GDPD4: variants seen among roughly 807,000 people sequenced by gnomAD.
The protein encoded by GDPD4 is glycerophosphodiester phosphodiesterase domain containing 4, also known as glycerophosphodiester phosphodiesterase 6.
A neutral mutation model predicts 67.8 loss-of-function variants in GDPD4; 60 were observed. The observed-to-expected ratio is 0.88, with a 90% confidence interval of 0.72 to 1.10. GDPD4 has a LOEUF of 1.10. Ranked by LOEUF, GDPD4 falls within the 50% of genes least tolerant of loss-of-function variation. The pLI, the probability that GDPD4 is intolerant of heterozygous loss-of-function variation, is 0.00. For missense variants in GDPD4, 623 were observed against 613.9 expected, an observed-to-expected ratio of 1.01 and a Z score of -0.16; for synonymous variants, 212 against 210.9, an observed-to-expected ratio of 1.00 and a Z score of -0.04.
intron 16 of GDPD4, among the ~76,000 whole-genome samples, chr11:77,218,844 A>G (rs1456477191): frequency 3.9e-5 from 1 of 25,860 alleles, no homozygotes; most frequent in Non-Finnish European, 1.7e-4. Flanking sequence ...GTGCCGCAAT[A>G]AACAATACGT....
At chr11:77,225,156 A>T (rs1958303723) in intron 16 of GDPD4, among the ~76,000 whole-genome samples, 1 of 151,990 alleles carries the variant, frequency 6.6e-6, no homozygotes. Flanking sequence ...TCTATCCAAA[A>T]ATAAAGGAAA....
intron 10 of GDPD4, among the ~76,000 whole-genome samples, chr11:77,267,199 C>G (rs1057156234): frequency 2.0e-5 from 3 of 152,224 alleles, no homozygotes; most frequent in African/African-American, 7.2e-5. Context: ...ACATGCTGTA[C>G]AGGCTTGCAG....
chr11:77,243,633 G>A, intron 13 of GDPD4, 61 bp downstream of exon 13: 5 of 1,356,502 alleles, frequency 3.7e-6, no homozygotes, highest in Non-Finnish European at 5.2e-6. Context: ...AGTTTAATTA[G>A]AATGTGTATT....
At chr11:77,271,025 A>G (rs1485092565) in intron 7 of GDPD4, 105 bp downstream of exon 7, 31 of 742,388 alleles carry the variant, frequency 4.2e-5, no homozygotes, top group Non-Finnish European at 6.7e-5. Flanking sequence ...AATTTCAACG[A>G]GGCATAGGGG....
chr11:77,229,340 G>C (rs1209186239), intron 14 of GDPD4, 108 bp from the exon 15 acceptor site: 2 of 647,698 alleles, frequency 3.1e-6, no homozygotes, highest in Admixed American at 5.9e-5. Context: ...GAGAGGAAGA[G>C]GGGATAGACA....
chr11:77,270,254 C>G (rs538647814), intron 7 of GDPD4, among the ~76,000 whole-genome samples: 2 of 152,284 alleles, frequency 1.3e-5, no homozygotes, highest in South Asian at 4.2e-4. Context: ...GTGTACAGAT[C>G]CAGTTCTTTT....
chr11:77,220,656 C>A (rs541092719), intron 16 of GDPD4, among the ~76,000 whole-genome samples: 2 of 65,888 alleles, frequency 3.0e-5, no homozygotes, highest in South Asian at 1.4e-3. Context: ...GGATATTGGT[C>A]TAAAATTCTC....
chr11:77,297,843 C>T (rs753451953), intron 1 of GDPD4, among the ~76,000 whole-genome samples: 2 of 151,986 alleles, frequency 1.3e-5, no homozygotes, highest in Non-Finnish European at 2.9e-5. Context: ...TTAGGTTATG[C>T]GTCAAGGGCA....
At chr11:77,262,485 G>A (rs890545315) in intron 10 of GDPD4, among the ~76,000 whole-genome samples, 18 of 152,096 alleles carry the variant, frequency 1.2e-4, no homozygotes, top group African/African-American at 4.3e-4. Flanking sequence ...CCTTGTAATG[G>A]AAAATCATTT....
intron 10 of GDPD4, among the ~76,000 whole-genome samples, chr11:77,261,598 A>G (rs1959119769): frequency 1.3e-5 from 2 of 152,172 alleles, no homozygotes; most frequent in South Asian, 4.1e-4. Context: ...CGATTTATAG[A>G]TTTCTCCAAA....
intron 11 of GDPD4, 43 bp from the exon 12 acceptor site, chr11:77,245,545 G>C (rs553582346): frequency 2.2e-6 from 3 of 1,386,862 alleles, no homozygotes; most frequent in Non-Finnish European, 3.0e-6. Context: ...GCACTTTCCA[G>C]TTCTCCTACT....
rs946461132 is a variant in GDPD4 at position 77,216,887 on chromosome 11, T to C, written c.*390A>G. The C allele has an allele frequency of 1.5e-6, 1 of 680,850 alleles. No homozygotes were observed. The highest frequency in any genetic ancestry group is 2.7e-6 in the Non-Finnish European group (1 of 374,870). 42.2% of individuals were successfully genotyped at this position (680,850 alleles called of 1,614,324 possible). On this transcript the variant is annotated 3_prime_UTR_variant, in exon 17 of 17. Transcript: ENST00000315938. The stretch of plus-strand genomic sequence containing the variant: ...AGATGCAATGGAATATATTGTGACA[T>C]AGGATTATTTGGAGTATTCAGCCAT...
chr11:77,293,589 CAA>C (rs35700863), intron 1 of GDPD4, among the ~76,000 whole-genome samples: 59,018 of 139,524 alleles, frequency 0.42, 12,334 homozygotes, highest in African/African-American at 0.54. Context: ...GACCTTGTCT[CAA>C]AAAAAAAAAA....
At chr11:77,257,558 C>CACAG (rs1362219918) in intron 11 of GDPD4, among the ~76,000 whole-genome samples, 17 of 130,286 alleles carry the variant, frequency 1.3e-4, no homozygotes, top group African/African-American at 4.9e-4. Context: ...CTCCTACACA[C>CACAG]ACACACACAC....
intron 3 of GDPD4, among the ~76,000 whole-genome samples, chr11:77,283,851 ATT>A (rs71272229): frequency 1.4e-4 from 18 of 124,518 alleles, no homozygotes; most frequent in African/African-American, 1.8e-4. Context: ...GACATAATGA[ATT>A]TTTTTTTTTT....
Position 77,229,248 on chromosome 11 carries a change from C to T in GDPD4, c.1390-16G>A, listed in dbSNP as rs772940345. 3 of 1,515,258 alleles carry T rather than the reference C, an allele frequency of 2.0e-6. No homozygotes were observed. The highest frequency in any genetic ancestry group is 2.7e-6 in the Non-Finnish European group (3 of 1,100,116). 93.9% of individuals were successfully genotyped at this position (1,515,258 alleles called of 1,614,324 possible). A position where few individuals can be genotyped will look rare whatever the true frequency, so the allele number is the denominator to read the frequency against. On this transcript the variant is annotated splice_polypyrimidine_tract_variant and intron_variant, in intron 14 of 16. Transcript: ENST00000315938. The stretch of plus-strand genomic sequence containing the variant: ...ACTTTGGTGTCTGAAAAACATAAAC[C>T]ACAGTGAAAGAACTTTACAGTTAGA...
intron 10 of GDPD4, among the ~76,000 whole-genome samples, chr11:77,266,477 T>C (rs1232047309): frequency 6.6e-6 from 1 of 152,214 alleles, no homozygotes; most frequent in African/African-American, 2.4e-5. Flanking sequence ...GGTTTATATA[T>C]TTACTACACT....
At chr11:77,248,051 C>CAAAAAAAAAAAAAAAAAAAAAAA (rs34252021) in intron 11 of GDPD4, among the ~76,000 whole-genome samples, 3 of 62,694 alleles carry the variant, frequency 4.8e-5, no homozygotes, top group Non-Finnish European at 8.0e-5. Context: ...AACTCCGTCT[C>CAAAAAAAAAAAAAAAAAAAAAAA]AAAAAAAAAA....
At chr11:77,265,304 C>T (rs1959173238) in intron 10 of GDPD4, among the ~76,000 whole-genome samples, 1 of 152,126 alleles carries the variant, frequency 6.6e-6, no homozygotes, top group Non-Finnish European at 1.5e-5. Context: ...CAGTACAGAC[C>T]ACTCTTTGGA....
Sources: allele counts gnomAD v4.1 joint callset (sites outside exome capture counted in the v4.1 genomes callset), GRCh38; gene constraint gnomAD v4.1.1; transcripts MANE v1.5; gene names NCBI Gene and HGNC (gene_info 2026-07-23, HGNC 2026-07-21).